Variants in MAGEB1 observed in about 807,000 individuals in gnomAD.
The protein encoded by MAGEB1 is melanoma-associated antigen B1.
For synonymous variants in MAGEB1, 99 were observed against 105.7 expected (o/e 0.94, Z 0.39); for missense variants, 290 against 286.7 (o/e 1.01, Z -0.08).
chrX:30,250,615 C>G lies in MAGEB1; in HGVS notation c.122C>G (p.Ser41Cys), dbSNP rs751096312. 32 of 1,207,739 alleles carry G rather than the reference C, an allele frequency of 2.6e-5. No individual in the cohort carries two copies. Among genetic ancestry groups the G allele is most frequent in the Non-Finnish European group, 5.6e-6 (5 of 893,728 alleles). ...TAAEKEECPSSSPVLGDTPTS... is the reference protein window; with the variant it reads ...TAAEKEECPSCSPVLGDTPTS... ...GCAGAGAAAGAGGAGTGCCCCTCCTCCTCTCCTGTTTTAGGGGATACTCCC... is the reference window on the plus strand; with the variant it reads ...GCAGAGAAAGAGGAGTGCCCCTCCTGCTCTCCTGTTTTAGGGGATACTCCC... Residue 41 changes from serine to cysteine, a missense_variant, in exon 2 of 2, where the codon TCC becomes TGC. Transcript: ENST00000397548.
upstream of MAGEB1, among the ~76,000 whole-genome samples, chrX:30,244,664 TG>T (rs1925251514): frequency 8.9e-6 from 1 of 111,863 alleles, no homozygotes; most frequent in Non-Finnish European, 1.9e-5. Flanking sequence ...AGTGCCTATA[TG>T]GGGCGCACTG....
upstream of MAGEB1, chrX:30,246,268 C>T (rs1342237040): frequency 8.9e-6 from 1 of 112,176 alleles, no homozygotes; most frequent in Non-Finnish European, 1.9e-5. Context: ...GGAGTCCTTT[C>T]CTTATTATCT....
intron 1 of MAGEB1, among the ~76,000 whole-genome samples, chrX:30,247,946 G>GAA (rs57368527): frequency 1.3e-3 from 60 of 45,922 alleles, no homozygotes; most frequent in Non-Finnish European, 1.6e-3. Flanking sequence ...TCAGTCTCAA[G>GAA]AAAAAAAAAA....
At chrX:30,248,285 GT>G (rs1925396908) in intron 1 of MAGEB1, among the ~76,000 whole-genome samples, 1 of 112,066 alleles carries the variant, frequency 8.9e-6, no homozygotes, top group Non-Finnish European at 1.9e-5. Flanking sequence ...GAGGGCCTTG[GT>G]TTAAGGCCTC....
upstream of MAGEB1, among the ~76,000 whole-genome samples, chrX:30,244,774 C>A (rs1032316319): frequency 6.3e-5 from 7 of 111,725 alleles, no homozygotes; most frequent in African/African-American, 2.3e-4. Flanking sequence ...TGTGGAAAAA[C>A]CAGAGGGGAT....
chrX:30,248,375 G>C (rs1401968207), intron 1 of MAGEB1, among the ~76,000 whole-genome samples: 1 of 112,055 alleles, frequency 8.9e-6, no homozygotes, highest in Admixed American at 9.4e-5. Flanking sequence ...GAGGAATGAG[G>C]TAACCGTCTA....
upstream of MAGEB1, among the ~76,000 whole-genome samples, chrX:30,244,898 G>A (rs1386517967): frequency 8.9e-6 from 1 of 111,911 alleles, no homozygotes; most frequent in Non-Finnish European, 1.9e-5. Flanking sequence ...GTGTTTCTGA[G>A]AAATAAAGGT....
At chrX:30,247,314 A>C (rs1171233920) in intron 1 of MAGEB1, 58 bp downstream of exon 1, 2 of 110,970 alleles carry the variant, frequency 1.8e-5, no homozygotes, top group Non-Finnish European at 3.8e-5. Flanking sequence ...GACGTCCCGT[A>C]GCGTCCTGCC....
chrX:30,246,668 G>C (rs961140041), upstream of MAGEB1, among the ~76,000 whole-genome samples: 2 of 112,037 alleles, frequency 1.8e-5, no homozygotes, highest in African/African-American at 6.5e-5. Context: ...CAGCAGATGA[G>C]TCCCCACAGA....
intron 1 of MAGEB1, among the ~76,000 whole-genome samples, chrX:30,249,953 C>G (rs1405783216): frequency 8.9e-6 from 1 of 111,887 alleles, no homozygotes; most frequent in Non-Finnish European, 1.9e-5. Flanking sequence ...TCTGAAGATG[C>G]AGCACCAGTT....
intron 1 of MAGEB1, among the ~76,000 whole-genome samples, chrX:30,247,768 C>T (rs1205189421): frequency 1.8e-5 from 2 of 109,669 alleles, no homozygotes; most frequent in African/African-American, 6.7e-5. Context: ...CACGGTGAAA[C>T]CCCGTCTCTA....
At chrX:30,247,647 C>T (rs1449320728) in intron 1 of MAGEB1, among the ~76,000 whole-genome samples, 1 of 112,233 alleles carries the variant, frequency 8.9e-6, no homozygotes, top group Admixed American at 9.4e-5. Flanking sequence ...GCCTTATAGA[C>T]TCAGGTCAAT....
In MAGEB1 at chrX:30,250,503, G is replaced by A. The variant is rs1461824389; in HGVS notation, c.10G>A (p.Gly4Ser). 2 of 1,186,494 alleles carry A rather than the reference G, an allele frequency of 1.7e-6. No individual in the cohort carries two copies. The highest frequency in any genetic ancestry group is 3.5e-5 in the African/African-American group (2 of 56,725). Residue 4 changes from glycine to serine, a missense_variant, in exon 2 of 2, where the codon GGT becomes AGT. Physicochemically the swap from Gly to Ser is moderately conservative, Grantham distance 56. Transcript: ENST00000397548. MPRGQKSKLRAREK... is the reference protein window; with the variant it reads MPRSQKSKLRAREK... ...CCTGACCACAGCCATCATGCCTCGGGGTCAGAAGAGTAAGCTCCGTGCTCG... is the reference window on the plus strand; with the variant it reads ...CCTGACCACAGCCATCATGCCTCGGAGTCAGAAGAGTAAGCTCCGTGCTCG...
At chrX:30,246,372 A>G (rs756909094), upstream of MAGEB1, 1 of 112,223 alleles carries the variant, frequency 8.9e-6, no homozygotes, top group South Asian at 3.8e-4. Flanking sequence ...ATGTGAGAGG[A>G]GCAGGTTCAG....
At chrX:30,249,691 C>T (rs1229995393) in intron 1 of MAGEB1, among the ~76,000 whole-genome samples, 1 of 111,474 alleles carries the variant, frequency 9.0e-6, no homozygotes, top group Non-Finnish European at 1.9e-5. Context: ...GGGTCTCAGG[C>T]AGATGTAGGC....
At chrX:30,248,244 C>T (rs767412024) in intron 1 of MAGEB1, among the ~76,000 whole-genome samples, 21 of 111,885 alleles carry the variant, frequency 1.9e-4, no homozygotes, top group Non-Finnish European at 3.2e-4. Flanking sequence ...CAAGTACTCC[C>T]TGGCTTCTGC....
chrX:30,245,158 T>G (rs1925271791), upstream of MAGEB1, among the ~76,000 whole-genome samples: 1 of 111,957 alleles, frequency 8.9e-6, no homozygotes, highest in Admixed American at 9.5e-5. Flanking sequence ...GAAAGACAAC[T>G]CCACACTCAA....
chrX:30,245,101 T>G (rs910159284), upstream of MAGEB1, among the ~76,000 whole-genome samples: 2 of 111,296 alleles, frequency 1.8e-5, no homozygotes, highest in Admixed American at 9.5e-5. Context: ...AAGGTCAGAG[T>G]TGGTCCTTGA....
rs775255890 is a variant in MAGEB1, at chrX:30,251,064, A to G, written c.571A>G (p.Asn191Asp). ...LNLTNDGNLS[N>D]DWDFPRNGLL... The stretch of plus-strand genomic sequence containing the variant: ...CCTCACCAATGATGGAAACCTGAGC[A>G]ATGATTGGGACTTTCCCAGGAATGG... Residue 191 changes from asparagine (N) to aspartate (D), a missense_variant, in exon 2 of 2, where the codon AAT becomes GAT. Transcript: ENST00000397548. 3.6e-5 allele frequency: 44 copies of G among 1,209,084 alleles called. No individual in the cohort carries two copies. In the Admixed American group the frequency reaches 8.5e-4, roughly 23 times the overall value.
Sources: gnomAD v4.1 joint callset for allele counts (sites outside exome capture counted in the v4.1 genomes callset) on GRCh38, gnomAD v4.1.1 for gene constraint, MANE v1.5 for transcripts, NCBI Gene and HGNC (gene_info 2026-07-23, HGNC 2026-07-21) for gene names.